ZNF875: variants seen among roughly 807,000 people sequenced by gnomAD.
The protein encoded by ZNF875 is zinc finger protein 875, also known as HKR1, GLI-Kruppel zinc finger family member.
In ZNF875, 14 loss-of-function variants were observed where a neutral mutation model predicts 11.2. The ratio of observed to expected loss-of-function variants is 1.26; its 90% CI spans 0.83 to 1.96. The LOEUF is 1.96. Among genes scored for constraint, ZNF875 ranks in the 30% most tolerant of loss-of-function variants. The pLI, the probability that ZNF875 is intolerant of heterozygous loss-of-function variation, is 0.00. For missense variants in ZNF875, 752 were observed against 760.4 expected (o/e 0.99, Z 0.13); for synonymous variants, 301 against 281.1 (o/e 1.07, Z -0.71).
At chr19:37,320,244 A>G (rs2031141442) in intron 1 of ZNF875, among the ~76,000 whole-genome samples, 1 of 152,234 alleles carries the variant, frequency 6.6e-6, no homozygotes, top group Admixed American at 6.5e-5. Context: ...CCCATGAATG[A>G]AATTTTCACA....
At chr19:37,358,119 T>A in intron 4 of ZNF875, 2 of 299,204 alleles carry the variant, frequency 6.7e-6, no homozygotes, top group Non-Finnish European at 6.1e-6. Context: ...TTTTTTTACA[T>A]CTATTAAGAT....
upstream of ZNF875, chr19:37,315,425 AAC>A (rs958955328): frequency 3.3e-5 from 5 of 152,222 alleles, no homozygotes; most frequent in Non-Finnish European, 7.3e-5. Context: ...TGTGTTTGGG[AAC>A]AGTCACAGAA....
Position 37,355,253 on chromosome 19 carries a change from G to A in ZNF875, c.257-6856G>A, listed in dbSNP as rs539355592. ...CACCCAGGCTGGAGTGCAGTGGCACGATCTCGGCTCACTGCAACCTCCGCC... is the reference window on the plus strand; with the variant it reads ...CACCCAGGCTGGAGTGCAGTGGCACAATCTCGGCTCACTGCAACCTCCGCC... On this transcript the variant is annotated intron_variant, in intron 4 of 4. Coordinates refer to ENST00000392153, the MANE Select transcript of ZNF875 (RefSeq NM_001353803.2). 2.8e-4 allele frequency among the ~76,000 whole-genome samples: 42 copies of A among 152,190 alleles called. 1 individual carries two copies. In the South Asian group the frequency reaches 8.3e-3, roughly 30 times the overall value.
intron 4 of ZNF875, among the ~76,000 whole-genome samples, chr19:37,353,862 TTG>T (rs2038386437): frequency 1.3e-5 from 2 of 152,196 alleles, no homozygotes. Flanking sequence ...GCCGTTTTCT[TTG>T]TGTTTCTACT....
At chr19:37,318,277 G>A (rs538523470) in intron 1 of ZNF875, 2 of 152,430 alleles carry the variant, frequency 1.3e-5, no homozygotes, top group South Asian at 2.1e-4. Flanking sequence ...AAGGGAGGGA[G>A]TGATCAGTAG....
At chr19:37,334,945 C>T in intron 1 of ZNF875, 163 bp downstream of exon 1, 5 of 472,574 alleles carry the variant, frequency 1.1e-5, no homozygotes, top group East Asian at 4.3e-5. Flanking sequence ...GATAAACCCT[C>T]ACTCCGTTGC....
At chr19:37,321,203 T>A (rs62109191) in intron 1 of ZNF875, among the ~76,000 whole-genome samples, 2 of 152,070 alleles carry the variant, frequency 1.3e-5, no homozygotes, top group South Asian at 2.1e-4. Flanking sequence ...GCCCGACACC[T>A]GTAAAGGGTC....
At chr19:37,325,909 A>G (rs1195934274) in intron 4 of ZNF875, among the ~76,000 whole-genome samples, 2 of 152,070 alleles carry the variant, frequency 1.3e-5, no homozygotes, top group Non-Finnish European at 2.9e-5. Flanking sequence ...GGGTTTCAGC[A>G]TGTTGTCCAG....
At chr19:37,344,582 A>T in intron 2 of ZNF875, 4 of 931,280 alleles carry the variant, frequency 4.3e-6, no homozygotes, top group Non-Finnish European at 7.1e-6. Flanking sequence ...GTTGGTTACC[A>T]TTCATTTTTC....
chr19:37,318,317 T>C (rs1265551317), intron 1 of ZNF875: 2 of 152,174 alleles, frequency 1.3e-5, no homozygotes, highest in Admixed American at 1.3e-4. Flanking sequence ...AATACATTAC[T>C]AGTTTATATT....
chr19:37,342,767 C>G (rs2035996542), intron 2 of ZNF875, among the ~76,000 whole-genome samples: 2 of 152,122 alleles, frequency 1.3e-5, no homozygotes, highest in Admixed American at 1.3e-4. Context: ...TCCAAAAATT[C>G]ATCAGGTATA....
chr19:37,321,850 T>C (rs1028761565), intron 1 of ZNF875, among the ~76,000 whole-genome samples: 1 of 152,224 alleles, frequency 6.6e-6, no homozygotes, highest in Admixed American at 6.5e-5. Context: ...AGCCATTTTT[T>C]AAAACTACCA....
chr19:37,318,836 C>T (rs1316639005), intron 1 of ZNF875, among the ~76,000 whole-genome samples: 1 of 151,746 alleles, frequency 6.6e-6, no homozygotes, highest in Admixed American at 6.6e-5. Context: ...AATCATATTT[C>T]TTGTGGAAAA....
chr19:37,358,131 ATCTT>A, intron 4 of ZNF875: 2 of 174,196 alleles, frequency 1.1e-5, no homozygotes, highest in Non-Finnish European at 2.1e-5. Context: ...TATTAAGATG[ATCTT>A]TTTTTTTTTT....
upstream of ZNF875, among the ~76,000 whole-genome samples, chr19:37,333,739 C>T (rs1208966884): frequency 6.6e-6 from 1 of 152,022 alleles, no homozygotes; most frequent in Non-Finnish European, 1.5e-5. Flanking sequence ...CAGGCCCTCA[C>T]TTCTGTAAAT....
intron 2 of ZNF875, among the ~76,000 whole-genome samples, chr19:37,342,836 C>G (rs2036009313): frequency 6.6e-6 from 1 of 152,184 alleles, no homozygotes; most frequent in Non-Finnish European, 1.5e-5. Flanking sequence ...TACTAGTTGC[C>G]TTGTTCAAGC....
intron 4 of ZNF875, chr19:37,324,760 C>G (rs1042504883): frequency 1.3e-5 from 2 of 149,160 alleles, no homozygotes; most frequent in Admixed American, 7.7e-5. Context: ...TATTTTCCAT[C>G]AAGATTGAAC....
At chr19:37,347,126 C>T in intron 2 of ZNF875, 64 bp from the exon 3 acceptor site, 7 of 1,610,222 alleles carry the variant, frequency 4.3e-6, no homozygotes, top group Non-Finnish European at 5.9e-6. Flanking sequence ...CTTGACCTCT[C>T]ATTCTAAAGT....
Position 37,361,322 on chromosome 19 carries a change from G to A in ZNF875, c.257-787G>A, listed in dbSNP as rs187213678. On this transcript the variant is annotated intron_variant, in intron 4 of 4. Coordinates refer to ENST00000392153, the MANE Select transcript of ZNF875 (RefSeq NM_001353803.2). ...GACAGGGTTTCGCCATGTTGGCCAG[G>A]ATGGTCTCAATCTCTTGACCTCGTG... Among the ~76,000 whole-genome samples, 364 of 152,188 alleles carry A rather than the reference G, an allele frequency of 2.4e-3. 2 individuals carry two copies. Among genetic ancestry groups the A allele is most frequent in the Non-Finnish European group, 3.7e-3 (254 of 67,998 alleles).
Sources: allele counts gnomAD v4.1 joint callset (sites outside exome capture counted in the v4.1 genomes callset), GRCh38; gene constraint gnomAD v4.1.1; transcripts MANE v1.5; gene names NCBI Gene and HGNC (gene_info 2026-07-23, HGNC 2026-07-21).